The following OPRK1 variants were observed in gnomAD, a reference collection of about 807,000 sequenced individuals.
The protein encoded by OPRK1 is kappa-type opioid receptor.
In OPRK1, 15 loss-of-function variants were observed where a neutral mutation model predicts 24.5. The observed-to-expected ratio is 0.61, with a 90% confidence interval of 0.41 to 0.94. OPRK1 has a LOEUF of 0.94. OPRK1 is among the 40% of genes least tolerant of loss of function. The probability of loss-of-function intolerance (pLI) is 0.00; values close to 1 mark genes in which losing one functional copy is unlikely to be tolerated. For synonymous variants in OPRK1, 205 were observed against 198.0 expected, an observed-to-expected ratio of 1.04 and a Z score of -0.30; for missense variants, 479 against 507.3, an observed-to-expected ratio of 0.94 and a Z score of 0.54.
chr8:53,234,720 G>A (rs778786224), intron 3 of OPRK1, 39 bp downstream of exon 3: 19 of 1,538,472 alleles, frequency 1.2e-5, no homozygotes, highest in Non-Finnish European at 1.7e-5. Flanking sequence ...GTAATTTGAA[G>A]CTACATTTTT....
At chr8:53,242,949 T>G in intron 2 of OPRK1, 1 of 1,286,000 alleles carries the variant, frequency 7.8e-7, no homozygotes, top group Non-Finnish European at 1.0e-6. Flanking sequence ...GTTAAGCCAT[T>G]TATAGTATTA....
rs1362923651 is a variant in OPRK1 at position 53,241,360 on chromosome 8, T to A, written c.258-6249A>T. Reference sequence around the variant, plus strand: ...ATATGCTCTTCTGGGTTATTTACTATTGAAATTGTAGGGTTTTTTTTCTAA... The same window carrying A: ...ATATGCTCTTCTGGGTTATTTACTAATGAAATTGTAGGGTTTTTTTTCTAA... On this transcript the variant is annotated intron_variant, in intron 2 of 3. Coordinates refer to ENST00000265572, the MANE Select transcript of OPRK1 (RefSeq NM_000912.5). 2.0e-5 allele frequency among the ~76,000 whole-genome samples: 3 copies of A among 152,082 alleles called. No homozygotes were observed. In the South Asian group the frequency reaches 6.2e-4, roughly 32 times the overall value.
chr8:53,230,485 T>C (rs1806825807), intron 3 of OPRK1, among the ~76,000 whole-genome samples: 1 of 152,168 alleles, frequency 6.6e-6, no homozygotes, highest in Non-Finnish European at 1.5e-5. Context: ...ATCATCAACA[T>C]CATCAAGGGA....
Position 53,242,339 on chromosome 8 carries a change from C to T in OPRK1, c.258-7228G>A, listed in dbSNP as rs567644037. On this transcript the variant is annotated intron_variant, in intron 2 of 3. Coordinates refer to ENST00000265572, the MANE Select transcript of OPRK1 (RefSeq NM_000912.5). ...ATTGATCATTTAACAACTGCCTGCC[C>T]TTGGGCAGTTCATTAAACCTCTGTA... 4.3e-4 allele frequency among the ~76,000 whole-genome samples: 65 copies of T among 152,264 alleles called. No individual in the cohort carries two copies. In the Middle Eastern group the frequency reaches 0.014, roughly 32 times the overall value.
At chr8:53,236,201 T>C (rs964048960) in intron 2 of OPRK1, among the ~76,000 whole-genome samples, 1 of 152,214 alleles carries the variant, frequency 6.6e-6, no homozygotes, top group African/African-American at 2.4e-5. Flanking sequence ...TTGGAGGCAG[T>C]GTGGTCTCAT....
rs759885797 is a variant in OPRK1 at position 53,250,791 on chromosome 8, C to G, written c.247G>C (p.Val83Leu). 4 of 1,607,548 alleles carry G rather than the reference C, an allele frequency of 2.5e-6. No homozygotes were observed. The South Asian group carries it at 3.3e-5, about 13-fold the overall frequency. The change falls in exon 2 of 4, where the codon GTG (valine) becomes CTG (leucine). Residue 83 changes from valine (V) to leucine (L), a missense_variant. Transcript: ENST00000265572. ...TGTCCCCGCGCTCACCGGATGATCA[C>G]GAACATGACCAGCGAGTTGCCCACC... is the stretch of plus-strand genomic sequence containing the variant. The part of the protein sequence containing the change: ...GLVGNSLVMF[V>L]IIRYTKMKTA...
intron 2 of OPRK1, among the ~76,000 whole-genome samples, chr8:53,249,754 C>T (rs1023892632): frequency 6.6e-6 from 1 of 152,072 alleles, no homozygotes; most frequent in Non-Finnish European, 1.5e-5. Flanking sequence ...TGTTTCAAAA[C>T]TAAAATCAAG....
chr8:53,229,723 G>T lies in OPRK1; in HGVS notation c.717C>A (p.Val239=), dbSNP rs763400629. ...CVFIFAFVIP[V]LIIIVCYTLM... ...GGGTGTAGCAGACGATGATGATGAG[G>T]ACAGGGATCACGAAGGCAAAGATGA... Residue 239 remains valine (V), a synonymous_variant, in exon 4 of 4, where the codon GTC becomes GTA. Transcript: ENST00000265572. 3 of 1,614,160 alleles carry T rather than the reference G, an allele frequency of 1.9e-6. No individual in the cohort carries two copies. The South Asian group carries it at 3.3e-5, about 18-fold the overall frequency.
chr8:53,251,026 CG>C lies in OPRK1; in HGVS notation c.11del (p.Pro4ArgfsTer65). 6.4e-7 allele frequency: 1 copy of C among 1,558,420 alleles called. No individual in the cohort carries two copies. Among genetic ancestry groups the C allele is most frequent in the Non-Finnish European group, 8.6e-7 (1 of 1,156,450 alleles). On this transcript the variant is annotated frameshift_variant, in exon 2 of 4. Coordinates refer to ENST00000265572, the MANE Select transcript of OPRK1 (RefSeq NM_000912.5). LOFTEE classifies it high-confidence loss of function. MDS[P>X]IQIFRGEPGP... The stretch of plus-strand genomic sequence containing the variant: ...CCGGCTCCCCGCGGAAGATCTGGAT[CG>C]GGGAGTCCATGGTGGGGCGATTGCA...
intron 2 of OPRK1, among the ~76,000 whole-genome samples, chr8:53,239,214 A>G (rs911412730): frequency 3.3e-5 from 5 of 152,244 alleles, no homozygotes; most frequent in African/African-American, 4.8e-5. Context: ...TCCCTACCCC[A>G]TAAGTAGCAA....
chr8:53,233,330 G>T (rs748599666), intron 3 of OPRK1, among the ~76,000 whole-genome samples: 2 of 152,100 alleles, frequency 1.3e-5, no homozygotes, highest in African/African-American at 4.8e-5. Flanking sequence ...GCCTGTGTGG[G>T]GTAAATGGAG....
In OPRK1 at chr8:53,235,114, A is replaced by G; in HGVS notation, c.258-3T>C. The G allele has an allele frequency of 5.6e-6, 9 of 1,607,490 alleles. No homozygotes were observed. Among genetic ancestry groups the G allele is most frequent in the Non-Finnish European group, 6.8e-6 (8 of 1,175,502 alleles). Reference sequence around the variant, plus strand: ...TTGCTGTCTTCATCTTTGTGTATCTAAAAGAAAAGAAACAATAGCATTTCC... The same window carrying G: ...TTGCTGTCTTCATCTTTGTGTATCTGAAAGAAAAGAAACAATAGCATTTCC... On this transcript the variant is annotated splice_polypyrimidine_tract_variant and splice_region_variant and intron_variant, in intron 2 of 3. Transcript: ENST00000265572.
chr8:53,250,897 C>G lies in OPRK1; in HGVS notation c.141G>C (p.Ala47=), dbSNP rs1476801274. The G allele has an allele frequency of 6.2e-7, 1 of 1,611,728 alleles. No individual in the cohort carries two copies. The highest frequency in any genetic ancestry group is 8.5e-7 in the Non-Finnish European group (1 of 1,179,396). Residue 47 remains alanine (A), a synonymous_variant, in exon 2 of 4, where the codon GCG becomes GCC. Transcript: ENST00000265572. ...DSNGSAGSED[A]QLEPAHISPA... ...GGGAGATGTGCGCGGGCTCCAGCTGCGCGTCCTCCGAGCCGGCGCTGCCGT... is the reference window on the plus strand; with the variant it reads ...GGGAGATGTGCGCGGGCTCCAGCTGGGCGTCCTCCGAGCCGGCGCTGCCGT...
At chr8:53,239,741 C>T (rs1458752274) in intron 2 of OPRK1, among the ~76,000 whole-genome samples, 1 of 152,194 alleles carries the variant, frequency 6.6e-6, no homozygotes, top group Non-Finnish European at 1.5e-5. Flanking sequence ...TGTCACATGA[C>T]TGCTCCTGCT....
chr8:53,249,809 G>C (rs1424842867), intron 2 of OPRK1, among the ~76,000 whole-genome samples: 1 of 152,018 alleles, frequency 6.6e-6, no homozygotes, highest in African/African-American at 2.4e-5. Context: ...CCCTAGCCAG[G>C]GTGACTTGCA....
chr8:53,243,036 A>G (rs2128809827), intron 2 of OPRK1: 1 of 1,096,214 alleles, frequency 9.1e-7, no homozygotes, highest in East Asian at 6.8e-5. Flanking sequence ...CTCCAAAGAA[A>G]GGGAAAAAAA....
intron 2 of OPRK1, among the ~76,000 whole-genome samples, chr8:53,246,868 T>C (rs758780275): frequency 6.6e-6 from 1 of 152,226 alleles, no homozygotes; most frequent in Non-Finnish European, 1.5e-5. Flanking sequence ...AGATTTGAAT[T>C]CATTTTTTAA....
intron 2 of OPRK1, among the ~76,000 whole-genome samples, chr8:53,245,046 T>C (rs1206006302): frequency 1.3e-5 from 2 of 152,216 alleles, no homozygotes; most frequent in African/African-American, 4.8e-5. Flanking sequence ...ATGTAAAGGT[T>C]ATGTAAATAG....
chr8:53,248,129 AT>A (rs1390142433), intron 2 of OPRK1, among the ~76,000 whole-genome samples: 2 of 152,050 alleles, frequency 1.3e-5, no homozygotes, highest in Non-Finnish European at 2.9e-5. Context: ...GTGAAAGTTA[AT>A]GTGCCCTAAT....
Sources: allele counts gnomAD v4.1 joint callset (sites outside exome capture counted in the v4.1 genomes callset), GRCh38; gene constraint gnomAD v4.1.1; transcripts MANE v1.5; gene names NCBI Gene and HGNC (gene_info 2026-07-23, HGNC 2026-07-21).